SMARCA5: variants seen among roughly 807,000 people sequenced by gnomAD.
The protein encoded by SMARCA5 is SWI/SNF-related matrix-associated actin-dependent regulator of chromatin subfamily A member 5.
SMARCA5 carries 18 observed loss-of-function variants against 140.4 expected under a neutral mutation model. The ratio of observed to expected loss-of-function variants is 0.13; its 90% CI spans 0.09 to 0.19. The LOEUF is 0.19. Ranked by LOEUF, SMARCA5 falls within the 10% of genes least tolerant of loss-of-function variation. SMARCA5 has a pLI of 1.00. For synonymous variants in SMARCA5, 449 were observed against 419.6 expected (o/e 1.07, Z -0.86); for missense variants, 606 against 1,276.8 (o/e 0.47, Z 8.01).
chr4:143,547,660 A>G (rs747521911), intron 21 of SMARCA5, among the ~76,000 whole-genome samples, 157 bp downstream of exon 21: 32 of 152,110 alleles, frequency 2.1e-4, no homozygotes, highest in Admixed American at 1.1e-3. Flanking sequence ...GAATTTACCT[A>G]TACACTAGAC....
At chr4:143,536,155 T>TA in intron 10 of SMARCA5, among the ~76,000 whole-genome samples, 1 of 152,288 alleles carries the variant, frequency 6.6e-6, no homozygotes, top group African/African-American at 2.4e-5. Context: ...CTTTATTACT[T>TA]AAAAATATTA....
At chr4:143,538,301 G>C (rs1737356643) in intron 11 of SMARCA5, among the ~76,000 whole-genome samples, 1 of 152,156 alleles carries the variant, frequency 6.6e-6, no homozygotes, top group African/African-American at 2.4e-5. Context: ...ATTTTTAAAT[G>C]TATATGGGGT....
At chr4:143,547,602 CA>C in intron 21 of SMARCA5, 99 bp downstream of exon 21, 1 of 708,348 alleles carries the variant, frequency 1.4e-6, no homozygotes, top group Non-Finnish European at 2.5e-6. Flanking sequence ...TAAGGGTTTA[CA>C]ATTTAAAATT....
intron 1 of SMARCA5, among the ~76,000 whole-genome samples, chr4:143,515,773 C>A: frequency 6.6e-6 from 1 of 152,048 alleles, no homozygotes; most frequent in Non-Finnish European, 1.5e-5. Flanking sequence ...CTAGGTAGAA[C>A]CTGTAATAAA....
intron 22 of SMARCA5, among the ~76,000 whole-genome samples, chr4:143,548,936 A>T (rs1737582842): frequency 6.6e-6 from 1 of 152,114 alleles, no homozygotes; most frequent in Non-Finnish European, 1.5e-5. Context: ...TTTTCACTAG[A>T]CATCACTGTT....
At chr4:143,527,230 T>C (rs999444518) in intron 6 of SMARCA5, among the ~76,000 whole-genome samples, 2 of 152,230 alleles carry the variant, frequency 1.3e-5, no homozygotes. Flanking sequence ...TATATAAAGC[T>C]CAGATTTGGA....
chr4:143,517,128 C>T (rs1736857556), intron 1 of SMARCA5, among the ~76,000 whole-genome samples: 1 of 152,140 alleles, frequency 6.6e-6, no homozygotes, highest in Non-Finnish European at 1.5e-5. Context: ...CTAATCTTGG[C>T]AACAACCATA....
At chr4:143,516,739 T>A (rs1258582911) in intron 1 of SMARCA5, among the ~76,000 whole-genome samples, 4 of 152,240 alleles carry the variant, frequency 2.6e-5, no homozygotes, top group African/African-American at 4.8e-5. Context: ...CAATTTTTTT[T>A]AATGGATGAA....
At chr4:143,536,205 G>A (rs1014485802) in intron 10 of SMARCA5, among the ~76,000 whole-genome samples, 2 of 152,014 alleles carry the variant, frequency 1.3e-5, no homozygotes, top group East Asian at 1.9e-4. Context: ...AACTGTTTTT[G>A]TACTTTAAAA....
In SMARCA5 at chr4:143,521,349, A is replaced by G. The variant is rs533069293; in HGVS notation, c.253-80A>G. The G allele has an allele frequency of 2.8e-5, 26 of 919,734 alleles. No homozygotes were observed. In the Admixed American group the frequency reaches 4.9e-4, roughly 17 times the overall value. The allele number at this position is 919,734 out of a possible 1,614,324, so 57.0% of individuals were successfully genotyped here. A position where few individuals can be genotyped will look rare whatever the true frequency, so the allele number is the denominator to read the frequency against. On this transcript the variant is annotated intron_variant, in intron 2 of 23. Coordinates refer to ENST00000283131, the MANE Select transcript of SMARCA5 (RefSeq NM_003601.4). ...TTTTTTTTTTTGCTGAGTTCATTGT[A>G]TGGAGGCATGCTGAAACTTTGATTT...
intron 1 of SMARCA5, among the ~76,000 whole-genome samples, chr4:143,516,906 C>T (rs1736852924): frequency 6.6e-6 from 1 of 152,042 alleles, no homozygotes; most frequent in South Asian, 2.1e-4. Context: ...TGTAATATTC[C>T]AGAAGGTGGA....
At chr4:143,546,088 T>C (rs1380370235) in intron 19 of SMARCA5, 41 bp downstream of exon 19, 4 of 1,486,152 alleles carry the variant, frequency 2.7e-6, no homozygotes, top group Middle Eastern at 3.6e-4. Context: ...AACAGTTTGT[T>C]GTAAAGGACT....
In SMARCA5 at chr4:143,538,950, C is replaced by G. The variant is rs375979492; in HGVS notation, c.1770+12C>G. On this transcript the variant is annotated intron_variant, in intron 13 of 23. Transcript: ENST00000283131. ...ATCTTCAGGCTATGGTAAGAGATAA[C>G]GAATAAATATATTCTGTGCTTAGTA... is the stretch of plus-strand genomic sequence containing the variant. 1.1e-5 allele frequency: 17 copies of G among 1,610,804 alleles called. 1 individual carries two copies. The South Asian group carries it at 1.6e-4, about 16-fold the overall frequency.
In SMARCA5 at chr4:143,527,937, A is replaced by G; in HGVS notation, c.871A>G (p.Ile291Val). Residue 291 changes from isoleucine (I) to valine (V), a missense_variant, in exon 7 of 24, where the codon ATT becomes GTT. Transcript: ENST00000283131. ...DVCVTSYEML[I>V]KEKSVFKKFN... ...ATGTGTAACATCTTATGAAATGCTT[A>G]TTAAAGAGAAGTCTGTGTTCAAAAA... 6.2e-7 allele frequency: 1 copy of G among 1,601,848 alleles called. No homozygotes were observed. Among genetic ancestry groups the G allele is most frequent in the Non-Finnish European group, 8.5e-7 (1 of 1,176,208 alleles).
rs1271967392 is a variant in SMARCA5 at position 143,517,350 on chromosome 4, A to G, written c.178-5A>G. ...CAATTCTATTTAATTATTTCTTTCT[A>G]CCAGGAAATATTTGATGATGCGTCA... On this transcript the variant is annotated splice_region_variant and splice_polypyrimidine_tract_variant and intron_variant, in intron 1 of 23. Coordinates refer to ENST00000283131, the MANE Select transcript of SMARCA5 (RefSeq NM_003601.4). The G allele has an allele frequency of 1.3e-5, 21 of 1,599,526 alleles. No homozygotes were observed. The East Asian group carries it at 4.7e-4, about 36-fold the overall frequency.
At position 143,538,102 on chromosome 4, in the gene SMARCA5, G is replaced by A. The variant is rs116072124; in HGVS notation, c.1496-488G>A. On this transcript the variant is annotated intron_variant, in intron 11 of 23. Transcript: ENST00000283131. Reference sequence around the variant, plus strand: ...CTGCCTAAAGAAGTGGAAGGCAGTCGGATAGTTTGAATCATGGCAGATAAG... The same window carrying A: ...CTGCCTAAAGAAGTGGAAGGCAGTCAGATAGTTTGAATCATGGCAGATAAG... 5.1e-3 allele frequency among the ~76,000 whole-genome samples: 777 copies of A among 152,110 alleles called. 1 individual carries two copies. The highest frequency in any genetic ancestry group is 0.013 in the African/African-American group (532 of 41,474).
intron 14 of SMARCA5, 80 bp from the exon 15 acceptor site, chr4:143,543,429 A>T: frequency 8.9e-7 from 1 of 1,125,404 alleles, no homozygotes; most frequent in Non-Finnish European, 1.3e-6. Context: ...ATAAAGCATT[A>T]AACCTTACAT....
At chr4:143,539,328 A>C (rs937637491) in intron 13 of SMARCA5, among the ~76,000 whole-genome samples, 82 of 152,202 alleles carry the variant, frequency 5.4e-4, no homozygotes, top group African/African-American at 2.0e-3. Context: ...AAATTATAGT[A>C]TAGTTATATC....
In SMARCA5 at chr4:143,553,181, A is replaced by C; in HGVS notation, c.3156A>C (p.Leu1052=). 1 of 1,610,068 alleles carries C rather than the reference A, an allele frequency of 6.2e-7. No individual in the cohort carries two copies. Among genetic ancestry groups the C allele is most frequent in the Non-Finnish European group, 8.5e-7 (1 of 1,176,544 alleles). ...DGRGRKKKLK[L] is the part of the protein sequence containing the mutation. Reference sequence around the variant, plus strand: ...GAGGAAGAAAAAAGAAGCTGAAACTATGAATATGTTTTTGTTTCATAATCA... The same window carrying C: ...GAGGAAGAAAAAAGAAGCTGAAACTCTGAATATGTTTTTGTTTCATAATCA... The change falls in exon 24 of 24, where the codon CTA becomes CTC. Residue 1052 remains leucine (L), a synonymous_variant. Transcript: ENST00000283131.
Sources: gnomAD v4.1 joint callset for allele counts (sites outside exome capture counted in the v4.1 genomes callset) on GRCh38, gnomAD v4.1.1 for gene constraint, MANE v1.5 for transcripts, NCBI Gene and HGNC (gene_info 2026-07-23, HGNC 2026-07-21) for gene names.